Variants in OR52N4 observed in about 807,000 individuals in gnomAD.
OR52N4 encodes the protein olfactory receptor 52N4.
In OR52N4, 15 loss-of-function variants were observed where a neutral mutation model predicts 15.0. The ratio of observed to expected loss-of-function variants is 1.00; its 90% CI spans 0.67 to 1.54. The LOEUF is 1.54. OR52N4 is among the 40% of genes most tolerant of loss of function. OR52N4 has a pLI of 0.00. For missense variants in OR52N4, 421 were observed against 394.0 expected, an observed-to-expected ratio of 1.07 and a Z score of -0.58; for synonymous variants, 143 against 143.7, an observed-to-expected ratio of 1.00 and a Z score of 0.03.
At chr11:5,745,467 A>G in the OR52N4 span, among the ~76,000 whole-genome samples, 1 of 152,166 alleles carries the variant, frequency 6.6e-6, no homozygotes, top group Non-Finnish European at 1.5e-5. Context: ...AAAAATATAC[A>G]ATACCTAGGA....
upstream of OR52N4, among the ~76,000 whole-genome samples, chr11:5,750,491 C>G (rs1046306628): frequency 1.3e-5 from 2 of 151,908 alleles, no homozygotes; most frequent in African/African-American, 4.8e-5. Flanking sequence ...TAATAAGACA[C>G]TGTTCAATAT....
chr11:5,733,635 C>T, the OR52N4 span, among the ~76,000 whole-genome samples: 1 of 152,040 alleles, frequency 6.6e-6, no homozygotes, highest in South Asian at 2.1e-4. Flanking sequence ...ATTATTCTCT[C>T]CCCCCACCTC....
the OR52N4 span, among the ~76,000 whole-genome samples, chr11:5,746,969 T>TG: frequency 0.15 from 22,792 of 150,472 alleles, 1,917 homozygotes; most frequent in Admixed American, 0.26. Context: ...CAGTGGCTCA[T>TG]GCCTATAATG....
chr11:5,749,187 A>T, the OR52N4 span, among the ~76,000 whole-genome samples: 12 of 152,012 alleles, frequency 7.9e-5, no homozygotes, highest in African/African-American at 2.9e-4. Context: ...TTGCGTTTAC[A>T]GATCACTGTT....
Position 5,755,063 on chromosome 11 carries a change from C to T in OR52N4, c.323C>T (p.Thr108Ile), listed in dbSNP as rs751804062. The T allele has an allele frequency of 5.0e-6, 8 of 1,613,918 alleles. No homozygotes were observed. In the African/African-American group the frequency reaches 9.3e-5, roughly 19 times the overall value. ...CTTGTCCAGATGTTCTTCACCCACA[C>T]CTTCACAGGGATGGAGTCTGGGGTG... ...ECLVQMFFTH[T>I]FTGMESGVLM... The change falls in exon 2 of 2, where the codon ACC (threonine) becomes ATC (isoleucine). Residue 108 changes from threonine to isoleucine, a missense_variant. Coordinates refer to ENST00000641350, the MANE Select transcript of OR52N4 (RefSeq NM_001005175.5).
the OR52N4 span, among the ~76,000 whole-genome samples, chr11:5,730,765 G>T: frequency 6.6e-6 from 1 of 150,722 alleles, no homozygotes; most frequent in South Asian, 2.1e-4. Context: ...TGAAAATCCA[G>T]AACAGTGTCA....
chr11:5,751,650 ATTTG>A (rs1351302695), upstream of OR52N4, among the ~76,000 whole-genome samples: 17 of 152,140 alleles, frequency 1.1e-4, no homozygotes, highest in South Asian at 4.1e-4. Flanking sequence ...TCATTTACTT[ATTTG>A]TTTATTTATT....
chr11:5,747,533 T>C, the OR52N4 span, among the ~76,000 whole-genome samples: 1 of 151,734 alleles, frequency 6.6e-6, no homozygotes, highest in Non-Finnish European at 1.5e-5. Flanking sequence ...TATGTATATA[T>C]ATATTATATT....
the OR52N4 span, among the ~76,000 whole-genome samples, chr11:5,741,410 T>C: frequency 6.6e-6 from 1 of 152,180 alleles, no homozygotes; most frequent in Non-Finnish European, 1.5e-5. Context: ...GCCTGGAGAA[T>C]GTGATGGACG....
chr11:5,755,573 T>C lies in OR52N4; in HGVS notation c.833T>C (p.Ile278Thr), dbSNP rs200646104. 354 of 1,613,910 alleles carry C rather than the reference T, an allele frequency of 2.2e-4. No homozygotes were observed. The highest frequency in any genetic ancestry group is 6.6e-4 in the Middle Eastern group (4 of 6,058). ...EHIIPPSCHI[I>T]VANIYLLLPP... The stretch of plus-strand genomic sequence containing the variant: ...ATAATCCCCCCTTCTTGCCACATCA[T>C]TGTAGCCAATATTTATCTGCTCCTA... Residue 278 changes from isoleucine to threonine, a missense_variant, in exon 2 of 2, where the codon ATT (isoleucine) becomes ACT (threonine). Ile to Thr is a moderately conservative substitution (Grantham distance 89, BLOSUM62 -1). Transcript: ENST00000641350.
the OR52N4 span, among the ~76,000 whole-genome samples, chr11:5,744,941 A>G: frequency 6.6e-6 from 1 of 152,152 alleles, no homozygotes; most frequent in East Asian, 1.9e-4. Flanking sequence ...AAACAAACAA[A>G]AAACATATAA....
the OR52N4 span, among the ~76,000 whole-genome samples, chr11:5,728,034 CT>C: frequency 2.6e-5 from 4 of 152,130 alleles, no homozygotes; most frequent in Non-Finnish European, 5.9e-5. Flanking sequence ...AACTAGAATC[CT>C]TTAGGACTTC....
At chr11:5,736,351 AAC>A in the OR52N4 span, 2 of 634,262 alleles carry the variant, frequency 3.2e-6, no homozygotes, top group Non-Finnish European at 5.5e-6. Context: ...CAAGTCAAGT[AAC>A]ACTGAGATAA....
the OR52N4 span, among the ~76,000 whole-genome samples, chr11:5,745,329 G>C: frequency 6.6e-6 from 1 of 152,150 alleles, no homozygotes; most frequent in Non-Finnish European, 1.5e-5. Context: ...TCCTAGACTT[G>C]AAAAGTGACA....
the OR52N4 span, chr11:5,735,889 A>G: frequency 6.5e-6 from 1 of 152,852 alleles, no homozygotes; most frequent in East Asian, 1.9e-4. Context: ...TTGTGCCTGT[A>G]TTCACTAAAA....
chr11:5,754,613 T>A (rs1285000133), intron 1 of OR52N4, 80 bp from the exon 2 acceptor site: 1 of 981,462 alleles, frequency 1.0e-6, no homozygotes, highest in Non-Finnish European at 1.5e-6. Context: ...TAAAATGCAT[T>A]ATGGAATTTT....
the OR52N4 span, chr11:5,737,978 GA>G: frequency 6.4e-6 from 1 of 156,072 alleles, no homozygotes. Context: ...AAATAATTCA[GA>G]TAAAGCCAAA....
At chr11:5,734,980 G>A in the OR52N4 span, among the ~76,000 whole-genome samples, 146,340 of 152,186 alleles carry the variant, frequency 0.96, 70,504 homozygotes, top group Non-Finnish European at 0.99. Context: ...CATACAGGCA[G>A]TAAGAAACCT....
chr11:5,735,649 GC>G, the OR52N4 span, among the ~76,000 whole-genome samples: 1 of 152,104 alleles, frequency 6.6e-6, no homozygotes, highest in Non-Finnish European at 1.5e-5. Context: ...CTAGATTCAA[GC>G]TTGTCTGGTC....
Sources: gnomAD v4.1 joint callset for allele counts (sites outside exome capture counted in the v4.1 genomes callset) on GRCh38, gnomAD v4.1.1 for gene constraint, MANE v1.5 for transcripts, NCBI Gene and HGNC (gene_info 2026-07-23, HGNC 2026-07-21) for gene names.